WDR45B: variants seen among roughly 807,000 people sequenced by gnomAD.
WDR45B encodes WD repeat domain 45B, also known as WD repeat domain phosphoinositide-interacting protein 3.
In WDR45B, 20 loss-of-function variants were observed where a neutral mutation model predicts 44.6. That is an observed-to-expected ratio of 0.45 (90% CI 0.32 to 0.65). The LOEUF (loss-of-function observed/expected upper bound fraction) is 0.65, where lower values mean the gene tolerates loss of function less well. Ranked by LOEUF, WDR45B falls within the 30% of genes least tolerant of loss-of-function variation. The pLI is 0.05. For synonymous variants in WDR45B, 169 were observed against 164.9 expected, an observed-to-expected ratio of 1.02 and a Z score of -0.19; for missense variants, 323 against 430.2, an observed-to-expected ratio of 0.75 and a Z score of 2.20.
chr17:82,617,467 A>G, intron 7 of WDR45B, 70 bp from the exon 8 acceptor site: 1 of 1,438,508 alleles, frequency 7.0e-7, no homozygotes, highest in South Asian at 1.2e-5. Context: ...AACCCACAGC[A>G]CTTGTCGACA....
intron 3 of WDR45B, among the ~76,000 whole-genome samples, chr17:82,628,541 C>T (rs1188679251): frequency 2.0e-5 from 3 of 151,504 alleles, no homozygotes; most frequent in Non-Finnish European, 2.9e-5. Flanking sequence ...AGTTCAAGAC[C>T]AGCCTGGGCA....
At chr17:82,641,956 GAAAA>G (rs35183254) in intron 2 of WDR45B, among the ~76,000 whole-genome samples, 1 of 147,488 alleles carries the variant, frequency 6.8e-6, no homozygotes, top group African/African-American at 2.5e-5. Context: ...GGAAAAAAGA[GAAAA>G]AAAAAATCAA....
At chr17:82,625,558 A>G in intron 4 of WDR45B, 75 bp from the exon 5 acceptor site, 1 of 1,330,832 alleles carries the variant, frequency 7.5e-7, no homozygotes, top group Non-Finnish European at 1.1e-6. Context: ...TGTTCTTATC[A>G]TACTGAAACT....
intron 2 of WDR45B, 62 bp downstream of exon 2, chr17:82,643,887 T>G: frequency 1.4e-6 from 2 of 1,451,258 alleles, no homozygotes; most frequent in Non-Finnish European, 1.8e-6. Context: ...CCTGCAAGGT[T>G]AAATTTAAGA....
chr17:82,616,495 G>C, intron 9 of WDR45B, 29 bp downstream of exon 9: 1 of 1,612,938 alleles, frequency 6.2e-7, no homozygotes, highest in African/African-American at 1.3e-5. Context: ...GGGCGGGTGG[G>C]GACGTTCTCT....
chr17:82,620,508 C>A (rs8072524), intron 6 of WDR45B, among the ~76,000 whole-genome samples: 1 of 152,184 alleles, frequency 6.6e-6, no homozygotes, highest in Non-Finnish European at 1.5e-5. Context: ...CAGGAGTGAG[C>A]GGGACACGCC....
intron 2 of WDR45B, among the ~76,000 whole-genome samples, chr17:82,634,118 G>A (rs35251559): frequency 0.036 from 4,261 of 117,262 alleles, 253 homozygotes; most frequent in African/African-American, 0.13. Flanking sequence ...GACACTGCAC[G>A]CCAGCCTGGG....
chr17:82,616,768 A>ATT, intron 8 of WDR45B, 123 bp from the exon 9 acceptor site: 1 of 1,257,792 alleles, frequency 8.0e-7, no homozygotes, highest in Non-Finnish European at 1.1e-6. Flanking sequence ...GCTTTAATGA[A>ATT]TTTTTTTTTT....
chr17:82,634,788 A>C (rs2045812885), intron 2 of WDR45B, among the ~76,000 whole-genome samples: 1 of 152,010 alleles, frequency 6.6e-6, no homozygotes, highest in African/African-American at 2.4e-5. Flanking sequence ...ACTGGTCTCA[A>C]ACTCCTGGCC....
intron 1 of WDR45B, among the ~76,000 whole-genome samples, chr17:82,647,375 A>G (rs2045992052): frequency 6.6e-6 from 1 of 152,210 alleles, no homozygotes; most frequent in Non-Finnish European, 1.5e-5. Context: ...CCTCCCCATC[A>G]GGACCTTTGG....
chr17:82,624,941 T>C (rs2045675951), intron 5 of WDR45B, among the ~76,000 whole-genome samples: 1 of 151,916 alleles, frequency 6.6e-6, no homozygotes, highest in South Asian at 2.1e-4. Flanking sequence ...TTAAAACGAG[T>C]CAGTTTTTTG....
At chr17:82,637,356 G>C (rs967482402) in intron 2 of WDR45B, among the ~76,000 whole-genome samples, 3 of 151,932 alleles carry the variant, frequency 2.0e-5, no homozygotes, top group Admixed American at 1.3e-4. Flanking sequence ...TTGTGGTACA[G>C]AGAAAAACCC....
chr17:82,617,978 G>C (rs2045562356), intron 7 of WDR45B, among the ~76,000 whole-genome samples: 1 of 150,872 alleles, frequency 6.6e-6, no homozygotes, highest in South Asian at 2.1e-4. Context: ...GCCCAGGATA[G>C]AGCGCAGTAG....
chr17:82,643,523 C>T (rs910379391), intron 2 of WDR45B, among the ~76,000 whole-genome samples: 2 of 152,102 alleles, frequency 1.3e-5, no homozygotes, highest in African/African-American at 4.8e-5. Flanking sequence ...AGAACCAGGA[C>T]TCAAACGTAC....
At chr17:82,630,473 G>A (rs998216237) in intron 3 of WDR45B, among the ~76,000 whole-genome samples, 3 of 152,042 alleles carry the variant, frequency 2.0e-5, no homozygotes, top group Admixed American at 1.3e-4. Flanking sequence ...GAGCTCTTAC[G>A]CCACATCATC....
chr17:82,624,103 T>C (rs541055435), intron 5 of WDR45B, among the ~76,000 whole-genome samples: 3 of 152,154 alleles, frequency 2.0e-5, no homozygotes, highest in African/African-American at 7.2e-5. Context: ...AAGGCTGCTA[T>C]GGGAACATGC....
chr17:82,642,644 T>C (rs1381836706), intron 2 of WDR45B, among the ~76,000 whole-genome samples: 2 of 152,162 alleles, frequency 1.3e-5, no homozygotes, highest in Non-Finnish European at 2.9e-5. Context: ...GCCCTCAACC[T>C]GTGGGATCTG....
At chr17:82,625,042 A>G (rs1468986398) in intron 5 of WDR45B, among the ~76,000 whole-genome samples, 2 of 152,204 alleles carry the variant, frequency 1.3e-5, no homozygotes, top group Admixed American at 1.3e-4. Flanking sequence ...AACACAATCA[A>G]TCCTCCAATT....
rs2045550675 is a variant in WDR45B at position 82,617,351 on chromosome 17, G to T, written c.751C>A (p.His251Asn). 3 of 1,614,046 alleles carry T rather than the reference G, an allele frequency of 1.9e-6. No individual in the cohort carries two copies. Among genetic ancestry groups the T allele is most frequent in the Non-Finnish European group, 2.5e-6 (3 of 1,180,012 alleles). Residue 251 changes from histidine to asparagine, a missense_variant, in exon 8 of 10, where the codon CAC becomes AAC. Transcript: ENST00000392325. ...GCTGCAAAAATATGCACTGTGCCGT[G>T]GTCGCTGGATACGCAGATGAGGGAC... ...DASLICVSSDHGTVHIFAAED... is the reference protein window; with the variant it reads ...DASLICVSSDNGTVHIFAAED...
Sources: allele counts gnomAD v4.1 joint callset (sites outside exome capture counted in the v4.1 genomes callset), GRCh38; gene constraint gnomAD v4.1.1; transcripts MANE v1.5; gene names NCBI Gene and HGNC (gene_info 2026-07-23, HGNC 2026-07-21).